KAZN: variants seen among roughly 807,000 people sequenced by gnomAD.
The protein encoded by KAZN is kazrin, periplakin interacting protein, also known as kazrin.
KAZN carries 40 observed loss-of-function variants against 87.4 expected under a neutral mutation model. The observed-to-expected ratio is 0.46, with a 90% confidence interval of 0.36 to 0.60. The LOEUF (loss-of-function observed/expected upper bound fraction) is 0.60. Among genes scored for constraint, KAZN ranks in the 20% least tolerant of loss-of-function variants. The probability of loss-of-function intolerance (pLI) is 0.00; values close to 1 mark genes in which losing one functional copy is unlikely to be tolerated. For synonymous variants in KAZN, 466 were observed against 458.3 expected (o/e 1.02, Z -0.22); for missense variants, 898 against 1,073.9 (o/e 0.84, Z 2.29).
intron 2 of KAZN, among the ~76,000 whole-genome samples, chr1:14,295,273 G>T (rs1417489361): frequency 3.3e-5 from 5 of 152,144 alleles, no homozygotes; most frequent in African/African-American, 1.2e-4. Context: ...AAGCCACATG[G>T]CCTTCAGTAA....
At chr1:14,573,091 T>C (rs1381309384) in intron 2 of KAZN, among the ~76,000 whole-genome samples, 1 of 152,162 alleles carries the variant, frequency 6.6e-6, no homozygotes, top group Admixed American at 6.5e-5. Context: ...TCCTATTTCA[T>C]GCATGAGAAG....
intron 1 of KAZN, among the ~76,000 whole-genome samples, chr1:14,649,440 C>T (rs571602740): frequency 1.3e-5 from 2 of 152,252 alleles, no homozygotes; most frequent in East Asian, 3.9e-4. Context: ...TCTCCAGAGT[C>T]GTTGGTCTTG....
At chr1:14,099,688 G>A (rs1223187329) in intron 1 of KAZN, among the ~76,000 whole-genome samples, 1 of 152,136 alleles carries the variant, frequency 6.6e-6, no homozygotes, top group Non-Finnish European at 1.5e-5. Flanking sequence ...CAATAGATAA[G>A]GCACCAAAGC....
In KAZN at chr1:15,056,287, C is replaced by T; in HGVS notation, c.916+7C>T. ...CACCCTGCGGACCGGCAAGGTGAGT[C>T]CTGCCCTGGCCTGGCTCCACCACGG... On this transcript the variant is annotated splice_region_variant and intron_variant, in intron 5 of 14. Coordinates refer to ENST00000376030, the MANE Select transcript of KAZN (RefSeq NM_201628.3). This position sits in a 1 kb window ranked among gnomAD's most constrained non-coding sequence, Gnocchi z 5.4. 6.3e-7 allele frequency: 1 copy of T among 1,590,316 alleles called. No homozygotes were observed. Among genetic ancestry groups the T allele is most frequent in the South Asian group, 1.1e-5 (1 of 89,938 alleles).
chr1:14,738,769 A>AAGTG (rs921375067), intron 1 of KAZN, among the ~76,000 whole-genome samples: 1 of 152,164 alleles, frequency 6.6e-6, no homozygotes, highest in African/African-American at 2.4e-5. Context: ...AATCCCCGTG[A>AAGTG]AGTGAGGATG....
chr1:14,338,403 G>A (rs1435587166), intron 2 of KAZN, among the ~76,000 whole-genome samples: 1 of 151,214 alleles, frequency 6.6e-6, no homozygotes, highest in African/African-American at 2.4e-5. Context: ...GAGAATCGCT[G>A]GAACTTGGGA....
At chr1:14,744,634 G>T (rs958954316) in intron 1 of KAZN, among the ~76,000 whole-genome samples, 1 of 152,162 alleles carries the variant, frequency 6.6e-6, no homozygotes, top group African/African-American at 2.4e-5. Context: ...TACTCGGGAG[G>T]CTGAGGCAGG....
chr1:14,531,401 C>T (rs1369587465), intron 2 of KAZN, among the ~76,000 whole-genome samples: 1 of 152,184 alleles, frequency 6.6e-6, no homozygotes, highest in Non-Finnish European at 1.5e-5. Flanking sequence ...AGATTGATCA[C>T]TGTATTCGCA....
intron 2 of KAZN, among the ~76,000 whole-genome samples, chr1:15,003,689 G>T (rs1668725750): frequency 6.6e-6 from 1 of 152,120 alleles, no homozygotes; most frequent in Admixed American, 6.5e-5. Flanking sequence ...AAGGGGTGGG[G>T]GACGGGCATT....
At chr1:14,310,296 A>G (rs1655194893) in intron 2 of KAZN, among the ~76,000 whole-genome samples, 1 of 152,172 alleles carries the variant, frequency 6.6e-6, no homozygotes, top group Non-Finnish European at 1.5e-5. Context: ...GCCAGAATGG[A>G]AAGTGCCAGA....
intron 1 of KAZN, among the ~76,000 whole-genome samples, chr1:13,951,915 C>T (rs144997941): frequency 6.6e-6 from 1 of 152,148 alleles, no homozygotes; most frequent in South Asian, 2.1e-4. Flanking sequence ...GGTTATCTGG[C>T]CTGCCCTAGC....
At chr1:14,340,622 T>A (rs551986399) in intron 2 of KAZN, among the ~76,000 whole-genome samples, 2 of 152,344 alleles carry the variant, frequency 1.3e-5, no homozygotes, top group East Asian at 3.9e-4. Flanking sequence ...TCTAATCTTA[T>A]ACAAGTTGTA....
At chr1:14,508,398 C>T (rs1048022830) in intron 2 of KAZN, among the ~76,000 whole-genome samples, 19 of 152,092 alleles carry the variant, frequency 1.2e-4, no homozygotes, top group African/African-American at 3.9e-4. Context: ...GCAGATTCTA[C>T]GGATCTTCTT....
chr1:14,190,755 A>T (rs933953028), intron 2 of KAZN, among the ~76,000 whole-genome samples: 2 of 152,120 alleles, frequency 1.3e-5, no homozygotes, highest in South Asian at 4.1e-4. Context: ...AGTCCCTCCT[A>T]GACTAGCCAG....
At chr1:14,235,187 ATAT>A (rs1257845994) in intron 2 of KAZN, among the ~76,000 whole-genome samples, 1 of 152,198 alleles carries the variant, frequency 6.6e-6, no homozygotes, top group Non-Finnish European at 1.5e-5. Context: ...ACACAATGAA[ATAT>A]TATTCATCCA....
intron 2 of KAZN, among the ~76,000 whole-genome samples, chr1:14,563,248 A>T (rs904974344): frequency 6.6e-6 from 1 of 152,216 alleles, no homozygotes; most frequent in East Asian, 1.9e-4. Context: ...TTCAATCACC[A>T]GTAGCTCCTG....
At chr1:14,638,903 A>G (rs1195746299) in intron 1 of KAZN, among the ~76,000 whole-genome samples, 6 of 152,114 alleles carry the variant, frequency 3.9e-5, no homozygotes, top group African/African-American at 7.2e-5. Context: ...CCGGCAGCCC[A>G]TCTTCTAAAT....
At chr1:14,306,475 G>C (rs368265469) in intron 2 of KAZN, among the ~76,000 whole-genome samples, 1 of 152,162 alleles carries the variant, frequency 6.6e-6, no homozygotes, top group South Asian at 2.1e-4. Flanking sequence ...CATGAACTCA[G>C]GGTGGAGTGG....
intron 1 of KAZN, among the ~76,000 whole-genome samples, chr1:14,096,391 A>G (rs7523983): frequency 0.031 from 4,776 of 152,306 alleles, 257 homozygotes; most frequent in African/African-American, 0.11. Flanking sequence ...CCGGGGGCTT[A>G]AGAGTGAGCC....
Sources: allele counts gnomAD v4.1 joint callset (sites outside exome capture counted in the v4.1 genomes callset), GRCh38; gene constraint gnomAD v4.1.1; non-coding constraint Gnocchi (gnomAD v3.1); transcripts MANE v1.5; gene names NCBI Gene and HGNC (gene_info 2026-07-23, HGNC 2026-07-21).